SPMIP1: variants seen among roughly 807,000 people sequenced by gnomAD.
SPMIP1 encodes the protein sperm microtubule inner protein 1, also known as protein SPMIP1.
the SPMIP1 span, among the ~76,000 whole-genome samples, chr7:128,867,002 G>A: frequency 2.0e-5 from 3 of 152,218 alleles, no homozygotes; most frequent in Non-Finnish European, 4.4e-5. Context: ...CAGCGGCCAC[G>A]TGCTGCTATT....
the SPMIP1 span, among the ~76,000 whole-genome samples, chr7:128,867,470 A>G: frequency 1.3e-5 from 2 of 152,154 alleles, no homozygotes; most frequent in African/African-American, 2.4e-5. Flanking sequence ...GTGTTTGGCT[A>G]TGTTATGCTT....
chr7:128,866,836 C>G, the SPMIP1 span: 4 of 1,528,048 alleles, frequency 2.6e-6, no homozygotes, highest in Admixed American at 4.0e-5. Context: ...GCTGGGTGAG[C>G]CCAACCTCTT....
chr7:128,868,791 G>A, the SPMIP1 span: 2 of 1,507,128 alleles, frequency 1.3e-6, no homozygotes, highest in Non-Finnish European at 1.8e-6. Flanking sequence ...GGCCAGGTGT[G>A]GGCTTAGGGG....
the SPMIP1 span, among the ~76,000 whole-genome samples, chr7:128,867,312 C>T: frequency 1.1e-4 from 17 of 152,202 alleles, no homozygotes; most frequent in Middle Eastern, 3.4e-3. Flanking sequence ...GGGGAAGACT[C>T]GGTGGAACTC....
the SPMIP1 span, among the ~76,000 whole-genome samples, chr7:128,868,417 G>GC: frequency 7.2e-5 from 11 of 152,346 alleles, no homozygotes; most frequent in South Asian, 2.1e-4. Context: ...GGCTAGGGTG[G>GC]CCCCCCTCCC....
At chr7:128,868,231 A>G in the SPMIP1 span, among the ~76,000 whole-genome samples, 371 of 152,312 alleles carry the variant, frequency 2.4e-3, 10 homozygotes, top group South Asian at 0.052. Context: ...GAAAAGGTGG[A>G]TGGTTGGGGA....
the SPMIP1 span, chr7:128,866,919 A>C: frequency 7.8e-7 from 1 of 1,279,064 alleles, no homozygotes; most frequent in Non-Finnish European, 1.1e-6. Context: ...TCCAGACTAT[A>C]AACAGAGCAA....
chr7:128,866,502 C>T, the SPMIP1 span: 16 of 1,535,842 alleles, frequency 1.0e-5, no homozygotes, highest in Non-Finnish European at 1.4e-5. Flanking sequence ...AATGGTACCG[C>T]AAGTATGGGT....
chr7:128,870,752 TG>T, the SPMIP1 span: 1 of 152,268 alleles, frequency 6.6e-6, no homozygotes, highest in African/African-American at 2.4e-5. Flanking sequence ...AAAAGCACTT[TG>T]GGCCCAGGTT....
At chr7:128,868,779 TG>T in the SPMIP1 span, 2 of 1,527,990 alleles carry the variant, frequency 1.3e-6, no homozygotes, top group Non-Finnish European at 1.8e-6. Flanking sequence ...CCTCTGACCG[TG>T]GGCCAGGTGT....
At chr7:128,869,189 C>G in the SPMIP1 span, 82,742 of 301,396 alleles carry the variant, frequency 0.27, 15,038 homozygotes, top group African/African-American at 0.59. Flanking sequence ...GCAGCCGCTC[C>G]GTCCTCTCCC....
chr7:128,866,737 C>A, the SPMIP1 span: 5 of 1,536,072 alleles, frequency 3.3e-6, no homozygotes, highest in Admixed American at 7.8e-5. Flanking sequence ...CTTCCAGGGG[C>A]GGTACCGCTA....
At chr7:128,866,899 TGGTGAAG>T in the SPMIP1 span, 1 of 1,411,270 alleles carries the variant, frequency 7.1e-7, no homozygotes, top group South Asian at 1.4e-5. Flanking sequence ...GTGGGCATCC[TGGTGAAG>T]GGTCCAGACT....
the SPMIP1 span, chr7:128,869,248 C>G: frequency 3.1e-5 from 6 of 195,636 alleles, no homozygotes; most frequent in Admixed American, 1.8e-4. Flanking sequence ...CGCCCAGCCG[C>G]GTCCTCCTGG....
At chr7:128,867,232 C>CTGTT in the SPMIP1 span, among the ~76,000 whole-genome samples, 1 of 152,082 alleles carries the variant, frequency 6.6e-6, no homozygotes, top group Non-Finnish European at 1.5e-5. Context: ...AGTTGGGCAT[C>CTGTT]TGTTTGGTTA....
the SPMIP1 span, chr7:128,866,557 C>T: frequency 2.0e-6 from 3 of 1,535,844 alleles, no homozygotes; most frequent in Non-Finnish European, 2.6e-6. Context: ...AGCCCGCCTG[C>T]CCCTCAAACT....
chr7:128,867,600 C>G, the SPMIP1 span, among the ~76,000 whole-genome samples: 1 of 151,638 alleles, frequency 6.6e-6, no homozygotes, highest in African/African-American at 2.4e-5. Flanking sequence ...TTGAAACAGT[C>G]TGACTCTGTC....
the SPMIP1 span, chr7:128,868,976 T>C: frequency 0.079 from 41,284 of 523,366 alleles, 3,550 homozygotes; most frequent in East Asian, 0.29. Flanking sequence ...CTTTGAGGAC[T>C]CAGCAATGAC....
At chr7:128,866,402 T>C in the SPMIP1 span, 1 of 1,509,576 alleles carries the variant, frequency 6.6e-7, no homozygotes, top group Non-Finnish European at 8.8e-7. Flanking sequence ...ACTCCTTCCC[T>C]GGCCACCATG....
Sources: allele counts gnomAD v4.1 joint callset (sites outside exome capture counted in the v4.1 genomes callset), GRCh38; gene constraint gnomAD v4.1.1; transcripts MANE v1.5; gene names NCBI Gene and HGNC (gene_info 2026-07-23, HGNC 2026-07-21).